The following COMMD1 variants were observed in gnomAD, a reference collection of about 807,000 sequenced individuals.
COMMD1 encodes copper metabolism domain containing 1.
In COMMD1, 10 loss-of-function variants were observed where a neutral mutation model predicts 17.2. That is an observed-to-expected ratio of 0.58 (90% CI 0.36 to 0.99). COMMD1 has a LOEUF of 0.99. Ranked by LOEUF, COMMD1 falls within the 50% of genes least tolerant of loss-of-function variation. The pLI is 0.01. For synonymous variants in COMMD1, 97 were observed against 91.6 expected, an observed-to-expected ratio of 1.06 and a Z score of -0.34; for missense variants, 270 against 231.8, an observed-to-expected ratio of 1.17 and a Z score of -1.07.
chr2:62,130,859 T>C (rs540651650), intron 2 of COMMD1, among the ~76,000 whole-genome samples: 1 of 152,292 alleles, frequency 6.6e-6, no homozygotes, highest in East Asian at 1.9e-4. Flanking sequence ...AACCAAACAT[T>C]TGCTTACTAA....
intron 2 of COMMD1, among the ~76,000 whole-genome samples, chr2:62,080,389 A>G (rs779178511): frequency 6.6e-6 from 1 of 152,216 alleles, no homozygotes; most frequent in Non-Finnish European, 1.5e-5. Flanking sequence ...AAATAAGTAT[A>G]CTTTGAGTAA....
At chr2:61,913,816 A>AAAAG (rs756118056) in intron 1 of COMMD1, among the ~76,000 whole-genome samples, 45,286 of 99,606 alleles carry the variant, frequency 0.45, 12,647 homozygotes, top group East Asian at 0.65. Context: ...AAAAAAAAAA[A>AAAAG]AGAAAAGTGT....
intron 2 of COMMD1, among the ~76,000 whole-genome samples, chr2:62,015,630 G>A (rs528386189): frequency 4.7e-5 from 7 of 149,248 alleles, no homozygotes; most frequent in African/African-American, 1.2e-4. Flanking sequence ...TCAATTTTAC[G>A]GTTTTTTGCA....
At position 62,000,774 on chromosome 2, in the gene COMMD1, G is replaced by A. The variant is rs770957209; in HGVS notation, c.254G>A (p.Gly85Glu). ...ACTGCTCAAACCAAAAAGCAAGGTGGGATCACATCTGACCAAGCTGCTGTC... is the reference window on the plus strand; with the variant it reads ...ACTGCTCAAACCAAAAAGCAAGGTGAGATCACATCTGACCAAGCTGCTGTC... The part of the protein sequence containing the change: ...FLTAQTKKQG[G>E]ITSDQAAVIS... Residue 85 changes from glycine (G) to glutamate (E), a missense_variant, in exon 2 of 3, where the codon GGG (glycine) becomes GAG (glutamate). Coordinates refer to ENST00000311832, the MANE Select transcript of COMMD1 (RefSeq NM_152516.4). 2 of 1,614,118 alleles carry A rather than the reference G, an allele frequency of 1.2e-6. No individual in the cohort carries two copies. Among genetic ancestry groups the A allele is most frequent in the Middle Eastern group, 1.6e-4 (1 of 6,062 alleles).
chr2:61,927,297 G>T (rs983994417), intron 1 of COMMD1, among the ~76,000 whole-genome samples: 3 of 152,140 alleles, frequency 2.0e-5, no homozygotes, highest in Non-Finnish European at 4.4e-5. Flanking sequence ...GGGAAAATTG[G>T]CTGTTATGGC....
chr2:62,023,267 G>A (rs1194829235), intron 2 of COMMD1, among the ~76,000 whole-genome samples: 1 of 151,096 alleles, frequency 6.6e-6, no homozygotes, highest in Admixed American at 6.6e-5. Flanking sequence ...ACAAAATTTA[G>A]AATAGTAGGT....
At chr2:61,993,359 C>G (rs1404928365) in intron 1 of COMMD1, among the ~76,000 whole-genome samples, 1 of 152,202 alleles carries the variant, frequency 6.6e-6, no homozygotes, top group Non-Finnish European at 1.5e-5. Flanking sequence ...TCTTTTCGAA[C>G]TCATTTTACT....
intron 1 of COMMD1, among the ~76,000 whole-genome samples, chr2:61,959,147 G>GTGCTTACTGTTTTATTACTGTTTACT (rs1219322500): frequency 4.6e-5 from 7 of 152,012 alleles, no homozygotes; most frequent in African/African-American, 1.7e-4. Context: ...TGTTTACGAT[G>GTGCTTACTGTTTTATTACTGTTTACT]GTTTCACCAT....
intron 2 of COMMD1, among the ~76,000 whole-genome samples, chr2:62,057,156 T>C (rs1479796104): frequency 6.6e-6 from 1 of 152,166 alleles, no homozygotes; most frequent in Non-Finnish European, 1.5e-5. Context: ...TATGGTGAGT[T>C]GTGTAATTAT....
intron 1 of COMMD1, among the ~76,000 whole-genome samples, chr2:61,955,402 G>C (rs1043106563): frequency 1.7e-4 from 26 of 152,018 alleles, no homozygotes; most frequent in African/African-American, 6.3e-4. Context: ...CTAGAGGCAT[G>C]TGCCACTGTA....
intron 2 of COMMD1, among the ~76,000 whole-genome samples, chr2:62,004,695 A>G (rs997734961): frequency 4.6e-5 from 7 of 152,214 alleles, no homozygotes; most frequent in Non-Finnish European, 8.8e-5. Context: ...AGTAAAATAT[A>G]TAGCCCACAT....
intron 1 of COMMD1, among the ~76,000 whole-genome samples, chr2:61,914,565 C>G (rs1485737742): frequency 2.0e-5 from 3 of 151,922 alleles, no homozygotes; most frequent in Admixed American, 6.6e-5. Context: ...AGACGGGACT[C>G]TGTCTCAAAA....
intron 2 of COMMD1, among the ~76,000 whole-genome samples, chr2:62,053,496 G>A (rs764499584): frequency 6.6e-6 from 1 of 152,150 alleles, no homozygotes; most frequent in Non-Finnish European, 1.5e-5. Context: ...ATGAGCTGAG[G>A]TCTAAGGTTA....
intron 1 of COMMD1, among the ~76,000 whole-genome samples, chr2:61,921,690 G>A (rs1184936524): frequency 2.6e-5 from 4 of 152,044 alleles, no homozygotes; most frequent in Non-Finnish European, 4.4e-5. Flanking sequence ...TGATCCACCC[G>A]CCTTGGCCTC....
chr2:62,131,949 C>T (rs1008157597), intron 2 of COMMD1, among the ~76,000 whole-genome samples: 1 of 151,490 alleles, frequency 6.6e-6, no homozygotes, highest in South Asian at 2.1e-4. Context: ...AGTGCAATAG[C>T]GTGATCTTGG....
At chr2:61,901,717 A>C (rs4672465), upstream of COMMD1, among the ~76,000 whole-genome samples, 16,855 of 152,228 alleles carry the variant, frequency 0.11, 2,158 homozygotes, top group African/African-American at 0.31. Context: ...TACACTGTAG[A>C]TATTTAGAAA....
chr2:61,899,588 G>A (rs1157362142), intron 1 of COMMD1, among the ~76,000 whole-genome samples: 2 of 151,970 alleles, frequency 1.3e-5, no homozygotes, highest in East Asian at 3.9e-4. Flanking sequence ...ACCCTAAGAG[G>A]GCAGAGGTAA....
chr2:62,035,806 T>A (rs532952778), intron 2 of COMMD1, among the ~76,000 whole-genome samples: 1 of 147,618 alleles, frequency 6.8e-6, no homozygotes, highest in South Asian at 2.2e-4. Flanking sequence ...ATTCCAGCAC[T>A]TTGGGGGGCT....
chr2:61,952,711 T>TA (rs1346662082), intron 1 of COMMD1, among the ~76,000 whole-genome samples: 1 of 152,234 alleles, frequency 6.6e-6, no homozygotes, highest in Non-Finnish European at 1.5e-5. Flanking sequence ...GCTGGCCATG[T>TA]ATTAATTAAA....
Sources: allele counts gnomAD v4.1 joint callset (sites outside exome capture counted in the v4.1 genomes callset), GRCh38; gene constraint gnomAD v4.1.1; transcripts MANE v1.5; gene names NCBI Gene and HGNC (gene_info 2026-07-23, HGNC 2026-07-21).